The following CACNA2D3 variants were observed in gnomAD, a reference collection of about 807,000 sequenced individuals.
CACNA2D3 encodes calcium voltage-gated channel auxiliary subunit alpha2delta 3, also known as voltage-dependent calcium channel subunit alpha-2/delta-3.
A neutral mutation model predicts 160.6 loss-of-function variants in CACNA2D3; 60 were observed. The ratio of observed to expected loss-of-function variants is 0.37; its 90% CI spans 0.30 to 0.46. The LOEUF is 0.46. Ranked by LOEUF, CACNA2D3 falls within the 20% of genes least tolerant of loss-of-function variation. The pLI is 1.00. For synonymous variants in CACNA2D3, 558 were observed against 492.9 expected (o/e 1.13, Z -1.75); for missense variants, 1,205 against 1,365.0 (o/e 0.88, Z 1.85).
chr3:55,027,541 T>C (rs890205860), intron 35 of CACNA2D3, among the ~76,000 whole-genome samples: 1 of 152,330 alleles, frequency 6.6e-6, no homozygotes, highest in African/African-American at 2.4e-5. Context: ...TTACATCTAA[T>C]TCGCATACAA....
intron 14 of CACNA2D3, among the ~76,000 whole-genome samples, chr3:54,831,498 C>T (rs1415911344): frequency 1.3e-5 from 2 of 152,248 alleles, no homozygotes; most frequent in Non-Finnish European, 2.9e-5. Flanking sequence ...GCCACAGCTG[C>T]TCCCCACCAT....
rs552783017 is a variant in CACNA2D3 at position 54,137,976 on chromosome 3, C to T, written c.204+14382C>T. ...TAGGCTGTGTTTTCCCCAGTAATAA[C>T]GATCAGTGGTGATAGCTAATGCTTA... On this transcript the variant is annotated intron_variant, in intron 2 of 37. Transcript: ENST00000474759. Among the ~76,000 whole-genome samples the T allele has an allele frequency of 1.2e-4, 19 of 152,340 alleles. No homozygotes were observed. In the East Asian group the frequency reaches 2.1e-3, roughly 17 times the overall value.
chr3:54,688,971 G>C (rs947728435), intron 11 of CACNA2D3, among the ~76,000 whole-genome samples: 1 of 89,954 alleles, frequency 1.1e-5, no homozygotes, highest in Admixed American at 1.8e-4. Flanking sequence ...GACAGTGTGA[G>C]ACTGTCTCAA....
chr3:54,687,121 CTTTTTTTTTTTTTGTTTT>C (rs780272682), intron 11 of CACNA2D3, among the ~76,000 whole-genome samples: 2 of 94,934 alleles, frequency 2.1e-5, no homozygotes, highest in South Asian at 4.3e-4. Flanking sequence ...TTTTCTTTTT[CTTTTTTTTTTTTTGTTTT>C]TTTTTTTTTT....
intron 3 of CACNA2D3, among the ~76,000 whole-genome samples, chr3:54,340,334 C>T (rs1268269090): frequency 6.6e-6 from 1 of 152,212 alleles, no homozygotes; most frequent in Non-Finnish European, 1.5e-5. Flanking sequence ...CTGTCCATCT[C>T]TCTATCCTTC....
chr3:54,168,418 G>A (rs767164160), intron 2 of CACNA2D3, among the ~76,000 whole-genome samples: 2 of 152,180 alleles, frequency 1.3e-5, no homozygotes, highest in African/African-American at 2.4e-5. Context: ...GAAGATAAGT[G>A]AACAGCCGCG....
Position 54,477,581 on chromosome 3 carries a change from A to G in CACNA2D3, c.382-25911A>G, listed in dbSNP as rs572402369. On this transcript the variant is annotated intron_variant, in intron 4 of 37. Coordinates refer to ENST00000474759, the MANE Select transcript of CACNA2D3 (RefSeq NM_018398.3). ...ATTAATCATTCCCAGAGTTTTCTCC[A>G]TTGTCAAATCCCCATTCTCTCCTCA... Among the ~76,000 whole-genome samples, 9 of 152,120 alleles carry G rather than the reference A, an allele frequency of 5.9e-5. No homozygotes were observed. In the East Asian group the frequency reaches 1.4e-3, roughly 23 times the overall value.
intron 2 of CACNA2D3, among the ~76,000 whole-genome samples, chr3:54,174,669 C>A (rs918908168): frequency 6.6e-6 from 1 of 152,162 alleles, no homozygotes; most frequent in Non-Finnish European, 1.5e-5. Context: ...GGACTACAGG[C>A]GCCCGCCACC....
intron 3 of CACNA2D3, among the ~76,000 whole-genome samples, chr3:54,322,369 G>T (rs1371871525): frequency 2.6e-5 from 4 of 152,192 alleles, no homozygotes; most frequent in Admixed American, 2.6e-4. Flanking sequence ...TAATAAATAC[G>T]TGCTTACACT....
chr3:54,269,986 A>G (rs1336119036), intron 2 of CACNA2D3, among the ~76,000 whole-genome samples: 1 of 152,230 alleles, frequency 6.6e-6, no homozygotes, highest in Non-Finnish European at 1.5e-5. Flanking sequence ...GGGCAACAGA[A>G]AAATAAAAGC....
At chr3:55,017,751 G>C (rs1559464697) in intron 34 of CACNA2D3, among the ~76,000 whole-genome samples, 1 of 152,142 alleles carries the variant, frequency 6.6e-6, no homozygotes, top group Non-Finnish European at 1.5e-5. Flanking sequence ...TCATGGCTGT[G>C]CTTCAAAGAC....
Position 54,503,668 on chromosome 3 carries a change from C to A in CACNA2D3, c.544+14C>A, listed in dbSNP as rs1281764325. 1 of 1,610,548 alleles carries A rather than the reference C, an allele frequency of 6.2e-7. No homozygotes were observed. Among genetic ancestry groups the A allele is most frequent in the African/African-American group, 1.3e-5 (1 of 74,838 alleles). On this transcript the variant is annotated intron_variant, in intron 5 of 37. Transcript: ENST00000474759. ...TGTACAACAAAGGTAAGACTCCCAG[C>A]CACTGCTCCTTTTAGAAGGTGAAGA...
At chr3:54,545,032 C>T (rs1023898157) in intron 5 of CACNA2D3, among the ~76,000 whole-genome samples, 4 of 152,238 alleles carry the variant, frequency 2.6e-5, no homozygotes, top group Non-Finnish European at 4.4e-5. Context: ...TCATCAAATG[C>T]GTTAGGACTC....
intron 27 of CACNA2D3, among the ~76,000 whole-genome samples, chr3:54,904,226 C>T (rs964994809): frequency 1.3e-5 from 2 of 152,284 alleles, no homozygotes; most frequent in South Asian, 2.1e-4. Flanking sequence ...TTACGCTGAT[C>T]GTGGTGGTGA....
At chr3:54,854,163 T>C (rs1699118072) in intron 17 of CACNA2D3, among the ~76,000 whole-genome samples, 1 of 152,226 alleles carries the variant, frequency 6.6e-6, no homozygotes, top group African/African-American at 2.4e-5. Flanking sequence ...TAAGTGTATC[T>C]GCTCAGAGGA....
At chr3:54,380,716 G>A (rs1046662900) in intron 3 of CACNA2D3, among the ~76,000 whole-genome samples, 3 of 135,260 alleles carry the variant, frequency 2.2e-5, no homozygotes, top group Non-Finnish European at 3.2e-5. Context: ...GTGAGACTCC[G>A]TCTCAAAAAC....
At chr3:54,574,731 G>C (rs1176469506) in intron 8 of CACNA2D3, among the ~76,000 whole-genome samples, 1 of 152,168 alleles carries the variant, frequency 6.6e-6, no homozygotes, top group African/African-American at 2.4e-5. Flanking sequence ...TGCTAATTCT[G>C]TCCGATGTTG....
chr3:54,778,893 G>A (rs1702476644), intron 13 of CACNA2D3, among the ~76,000 whole-genome samples: 1 of 152,190 alleles, frequency 6.6e-6, no homozygotes, highest in Non-Finnish European at 1.5e-5. Context: ...TCTTCACCAT[G>A]AGACTGGGCT....
chr3:54,765,187 T>G (rs1702200259), intron 13 of CACNA2D3, among the ~76,000 whole-genome samples: 1 of 152,084 alleles, frequency 6.6e-6, no homozygotes, highest in Non-Finnish European at 1.5e-5. Flanking sequence ...CTCCCTGGGC[T>G]CTCTCATTCC....
Sources: gnomAD v4.1 joint callset for allele counts (sites outside exome capture counted in the v4.1 genomes callset) on GRCh38, gnomAD v4.1.1 for gene constraint, MANE v1.5 for transcripts, NCBI Gene and HGNC (gene_info 2026-07-23, HGNC 2026-07-21) for gene names.